Variants in ALDH1A2 observed in about 807,000 individuals in gnomAD.
ALDH1A2 encodes the protein retinal dehydrogenase 2.
ALDH1A2 carries 27 observed loss-of-function variants against 60.3 expected under a neutral mutation model. The observed-to-expected ratio is 0.45, with a 90% CI of 0.33 to 0.62. ALDH1A2 has a LOEUF of 0.62. Ranked by LOEUF, ALDH1A2 falls within the 20% of genes least tolerant of loss-of-function variation. The pLI is 0.02. For synonymous variants in ALDH1A2, 289 were observed against 232.4 expected, an observed-to-expected ratio of 1.24 and a Z score of -2.21; for missense variants, 581 against 643.8, an observed-to-expected ratio of 0.90 and a Z score of 1.06.
intron 1 of ALDH1A2, among the ~76,000 whole-genome samples, chr15:58,053,349 A>T (rs781044578): frequency 1.3e-5 from 2 of 152,176 alleles, no homozygotes; most frequent in Non-Finnish European, 2.9e-5. Context: ...CACTGAAATT[A>T]TAAAGTGTTC....
intron 10 of ALDH1A2, 65 bp from the exon 11 acceptor site, chr15:57,961,359 C>T: frequency 6.4e-7 from 1 of 1,573,562 alleles, no homozygotes; most frequent in Non-Finnish European, 8.7e-7. Context: ...TTCCACATTT[C>T]AATGCAAGTT....
intron 4 of ALDH1A2, among the ~76,000 whole-genome samples, chr15:57,997,645 T>C (rs925704223): frequency 1.3e-5 from 2 of 151,986 alleles, no homozygotes; most frequent in Non-Finnish European, 2.9e-5. Context: ...AGACATTTAG[T>C]TGTTTTACTT....
At chr15:57,990,462 T>C (rs1894855336) in intron 7 of ALDH1A2, 1 of 152,252 alleles carries the variant, frequency 6.6e-6, no homozygotes, top group African/African-American at 2.4e-5. Flanking sequence ...TAAATGATGA[T>C]ATACTGATGC....
chr15:57,966,255 T>C (rs1267641701), intron 7 of ALDH1A2, among the ~76,000 whole-genome samples: 1 of 152,178 alleles, frequency 6.6e-6, no homozygotes, highest in Non-Finnish European at 1.5e-5. Flanking sequence ...TCTCCTAAAA[T>C]GCCAGGCATG....
chr15:57,987,929 G>A (rs561278042), intron 7 of ALDH1A2, among the ~76,000 whole-genome samples: 1 of 146,836 alleles, frequency 6.8e-6, no homozygotes, highest in East Asian at 2.0e-4. Context: ...CCATTTTTTA[G>A]ACAAACAAAA....
At chr15:58,030,563 T>G (rs1896209431) in intron 1 of ALDH1A2, among the ~76,000 whole-genome samples, 1 of 152,012 alleles carries the variant, frequency 6.6e-6, no homozygotes, top group South Asian at 2.1e-4. Flanking sequence ...GAGAAAGAAA[T>G]AAAGGGTATC....
intron 1 of ALDH1A2, among the ~76,000 whole-genome samples, chr15:58,056,054 G>T (rs776990414): frequency 1.3e-5 from 2 of 152,102 alleles, no homozygotes; most frequent in African/African-American, 2.4e-5. Context: ...GCGCACATGA[G>T]CAAGAGTACA....
intron 7 of ALDH1A2, among the ~76,000 whole-genome samples, chr15:57,978,139 CAG>C (rs1894335419): frequency 6.6e-6 from 1 of 152,190 alleles, no homozygotes; most frequent in Admixed American, 6.5e-5. Context: ...CATCTGCAAA[CAG>C]AGACAATTTG....
intron 1 of ALDH1A2, among the ~76,000 whole-genome samples, chr15:58,020,706 T>A (rs534522388): frequency 1.3e-5 from 2 of 152,306 alleles, no homozygotes; most frequent in East Asian, 1.9e-4. Context: ...AGATATTTTC[T>A]TTCATTTTCT....
At chr15:58,020,365 C>T (rs1895893593) in intron 1 of ALDH1A2, among the ~76,000 whole-genome samples, 1 of 152,096 alleles carries the variant, frequency 6.6e-6, no homozygotes, top group Non-Finnish European at 1.5e-5. Flanking sequence ...ATGGTATTGA[C>T]ATGAATCACT....
intron 3 of ALDH1A2, among the ~76,000 whole-genome samples, chr15:58,013,238 A>C (rs1895688513): frequency 6.6e-6 from 1 of 152,176 alleles, no homozygotes; most frequent in Admixed American, 6.5e-5. Context: ...TGGGGAGGTA[A>C]AAACTTGTTC....
chr15:58,061,595 C>CAAAAAAAAA (rs879500544), intron 1 of ALDH1A2, among the ~76,000 whole-genome samples: 620 of 42,706 alleles, frequency 0.015, 35 homozygotes, highest in Non-Finnish European at 0.021. Context: ...CTCCTTCCCT[C>CAAAAAAAAA]AAAAAAAAAA....
intron 5 of ALDH1A2, 39 bp downstream of exon 5, chr15:57,995,039 A>T (rs1340241061): frequency 6.4e-7 from 1 of 1,562,322 alleles, no homozygotes; most frequent in South Asian, 1.1e-5. Context: ...GAACTGGGTC[A>T]AATGAAAATA....
rs771805509 is a variant in ALDH1A2 at position 57,961,306 on chromosome 15, T to C, written c.1252-12A>G. ...ACAGGGCCAAAGATCTGCAAAAAGA[T>C]AATATGACTCAACATGGTTGCTCTG... On this transcript the variant is annotated splice_polypyrimidine_tract_variant and intron_variant, in intron 10 of 12. Transcript: ENST00000249750. 5.0e-6 allele frequency: 8 copies of C among 1,613,280 alleles called. No individual in the cohort carries two copies. In the South Asian group the frequency reaches 8.8e-5, roughly 18 times the overall value.
intron 4 of ALDH1A2, among the ~76,000 whole-genome samples, chr15:58,007,672 A>C (rs1895503521): frequency 6.6e-6 from 1 of 152,054 alleles, no homozygotes; most frequent in Non-Finnish European, 1.5e-5. Context: ...ATGCAAATAT[A>C]AAGTACATTA....
intron 1 of ALDH1A2, among the ~76,000 whole-genome samples, chr15:58,019,781 C>T (rs1419031798): frequency 6.6e-6 from 1 of 152,132 alleles, no homozygotes; most frequent in African/African-American, 2.4e-5. Context: ...AATGGAATGT[C>T]TGCTGAGAGA....
intron 1 of ALDH1A2, among the ~76,000 whole-genome samples, chr15:58,033,585 C>G (rs1482263046): frequency 6.6e-6 from 1 of 151,458 alleles, no homozygotes; most frequent in Non-Finnish European, 1.5e-5. Flanking sequence ...AGAAGTTTGT[C>G]ATAAATTATT....
rs767917902 is a variant in ALDH1A2, at chr15:58,018,509, T to C, written c.118-4228A>G. Among the ~76,000 whole-genome samples, 6 of 152,236 alleles carry C rather than the reference T, an allele frequency of 3.9e-5. No homozygotes were observed. In the South Asian group the frequency reaches 1.0e-3, roughly 26 times the overall value. On this transcript the variant is annotated intron_variant, in intron 1 of 12. Transcript: ENST00000249750. ...AGATAGTAAAATTGGTGGGCAAATA[T>C]GCAATGAAAAATGTATGATGTATAT... is the stretch of plus-strand genomic sequence containing the variant.
intron 7 of ALDH1A2, among the ~76,000 whole-genome samples, chr15:57,979,546 A>G (rs2012147): frequency 0.86 from 130,467 of 152,154 alleles, 57,938 homozygotes; most frequent in East Asian, 1. Flanking sequence ...ATTCCTGCGA[A>G]GGACCAAGGC....
Sources: gnomAD v4.1 joint callset for allele counts (sites outside exome capture counted in the v4.1 genomes callset) on GRCh38, gnomAD v4.1.1 for gene constraint, MANE v1.5 for transcripts, NCBI Gene and HGNC (gene_info 2026-07-23, HGNC 2026-07-21) for gene names.